EIF3B: variants seen among roughly 807,000 people sequenced by gnomAD.
EIF3B encodes eukaryotic translation initiation factor 3 subunit B, also known as eukaryotic translation initiation factor 3 subunit 9.
In EIF3B, 10 loss-of-function variants were observed where a neutral mutation model predicts 104.6. The ratio of observed to expected loss-of-function variants is 0.10; its 90% CI spans 0.06 to 0.16. EIF3B has a LOEUF of 0.16. Among genes scored for constraint, EIF3B ranks in the 10% least tolerant of loss-of-function variants. EIF3B has a pLI of 1.00. For missense variants in EIF3B, 1,014 were observed against 1,087.9 expected (o/e 0.93, Z 0.96); for synonymous variants, 542 against 417.2 (o/e 1.30, Z -3.65).
intron 11 of EIF3B, chr7:2,372,051 A>T (rs994357819): frequency 1.1e-5 from 6 of 542,388 alleles, no homozygotes; most frequent in South Asian, 2.2e-5. Flanking sequence ...AAAACAAATA[A>T]AAAAAATTAG....
At chr7:2,362,891 C>A in intron 3 of EIF3B, 127 bp downstream of exon 3, 1 of 1,487,336 alleles carries the variant, frequency 6.7e-7, no homozygotes, top group Non-Finnish European at 9.2e-7. Context: ...GTCAGGCTGC[C>A]GCAGAGCCAT....
Position 2,374,535 on chromosome 7 carries a change from C to A in EIF3B, c.1818C>A (p.Phe606Leu). The change falls in exon 13 of 19, where the codon TTC becomes TTA. Residue 606 changes from phenylalanine to leucine, a missense_variant. Physicochemically the swap from Phe to Leu is conservative, Grantham distance 22. Coordinates refer to ENST00000360876, the MANE Select transcript of EIF3B (RefSeq NM_001037283.2). ...NNGKIELIKMFDKQQANTIFW... is the reference protein window; with the variant it reads ...NNGKIELIKMLDKQQANTIFW... ...CGCGCTCTTTCCTTTCAGAGATGTT[C>A]GACAAGCAGCAGGCGAACACCATCT... 6.2e-7 allele frequency: 1 copy of A among 1,613,930 alleles called. No individual in the cohort carries two copies. The highest frequency in any genetic ancestry group is 8.5e-7 in the Non-Finnish European group (1 of 1,179,940).
At chr7:2,379,041 G>A (rs1195242536) in intron 16 of EIF3B, 93 bp from the exon 17 acceptor site, 5 of 1,078,922 alleles carry the variant, frequency 4.6e-6, no homozygotes, top group Non-Finnish European at 6.9e-6. Context: ...TCTGTATGCT[G>A]TCCTTCTGGC....
intron 7 of EIF3B, 22 bp from the exon 8 acceptor site, chr7:2,366,503 C>G (rs374204646): frequency 1.2e-6 from 2 of 1,614,070 alleles, no homozygotes; most frequent in Non-Finnish European, 1.7e-6. Flanking sequence ...TGGGAATACC[C>G]TGGCACTTTT....
rs751544118 is a variant in EIF3B at position 2,354,895 on chromosome 7, G to A, written c.-27G>A. The A allele has an allele frequency of 1.4e-5, 16 of 1,174,428 alleles. No homozygotes were observed. The highest frequency in any genetic ancestry group is 3.2e-5 in the South Asian group (1 of 31,188). The allele number at this position is 1,174,428 out of a possible 1,614,324, so 72.8% of individuals were successfully genotyped here. A position where few individuals can be genotyped will look rare whatever the true frequency, so the allele number is the denominator to read the frequency against. The stretch of plus-strand genomic sequence containing the variant: ...GAGTCGGAAGCGCGGCGGCCGCGGA[G>A]CCCTGCGAGTAGGCAGCGTTGGGCC... On this transcript the variant is annotated 5_prime_UTR_variant, in exon 1 of 19. Coordinates refer to ENST00000360876, the MANE Select transcript of EIF3B (RefSeq NM_001037283.2).
intron 1 of EIF3B, among the ~76,000 whole-genome samples, chr7:2,358,575 G>A (rs893305184): frequency 5.9e-5 from 9 of 152,074 alleles, no homozygotes; most frequent in Non-Finnish European, 1.0e-4. Flanking sequence ...CTCCCAGGCT[G>A]GAGTGCAGTG....
chr7:2,363,415 G>A (rs1029911665), intron 4 of EIF3B, among the ~76,000 whole-genome samples: 6 of 151,602 alleles, frequency 4.0e-5, no homozygotes, highest in South Asian at 2.1e-4. Context: ...TGAGGCTGCC[G>A]TGAGCTATGA....
intron 11 of EIF3B, 178 bp downstream of exon 11, chr7:2,372,027 C>T: frequency 1.7e-6 from 1 of 593,792 alleles, no homozygotes; most frequent in Non-Finnish European, 3.0e-6. Flanking sequence ...CATAGTGAGA[C>T]CCTCTCTGTA....
At chr7:2,362,597 G>A (rs769516465) in intron 2 of EIF3B, 48 bp from the exon 3 acceptor site, 2 of 1,611,304 alleles carry the variant, frequency 1.2e-6, no homozygotes, top group South Asian at 1.1e-5. Context: ...GCGCATACCT[G>A]CCTAGCCTTA....
chr7:2,378,968 G>T, intron 16 of EIF3B, 166 bp from the exon 17 acceptor site: 1 of 747,074 alleles, frequency 1.3e-6, no homozygotes, highest in South Asian at 1.8e-5. Context: ...CTGCCTTGTG[G>T]GTGGGGGGCA....
chr7:2,376,350 A>G (rs920135813), intron 14 of EIF3B: 1 of 151,808 alleles, frequency 6.6e-6, no homozygotes, highest in South Asian at 2.1e-4. Flanking sequence ...AAAAAAAAAA[A>G]AAGACTTTTT....
At chr7:2,376,674 A>T in intron 14 of EIF3B, 1 of 407,980 alleles carries the variant, frequency 2.5e-6, no homozygotes, top group Non-Finnish European at 4.4e-6. Flanking sequence ...GTTAGCTTAC[A>T]TCCAGCATGG....
At chr7:2,363,784 G>T (rs748032852) in intron 5 of EIF3B, 24 bp downstream of exon 5, 4 of 1,608,384 alleles carry the variant, frequency 2.5e-6, no homozygotes, top group Non-Finnish European at 2.5e-6. Flanking sequence ...GCTGCTGGGG[G>T]CGGGGACTCA....
chr7:2,366,588 T>G lies in EIF3B; in HGVS notation c.1353T>G (p.Thr451=), dbSNP rs1780038410. The G allele has an allele frequency of 6.2e-7, 1 of 1,614,220 alleles. No homozygotes were observed. Among genetic ancestry groups the G allele is most frequent in the South Asian group, 1.1e-5 (1 of 91,086 alleles). The change falls in exon 8 of 19, where the codon ACT becomes ACG. Residue 451 remains threonine (T), a synonymous_variant. Transcript: ENST00000360876. The part of the protein sequence containing the change: ...MTLDTLSIYE[T]PSMGLLDKKS... ...TGGATACGCTTAGCATCTATGAAAC[T>G]CCTGTAAGTGGCCTCAGTGATGGCA...
chr7:2,367,226 C>G, intron 9 of EIF3B, 181 bp downstream of exon 9: 1 of 568,272 alleles, frequency 1.8e-6, no homozygotes, highest in Non-Finnish European at 3.0e-6. Flanking sequence ...TGGTGACGGC[C>G]CACCTCCCTC....
At chr7:2,363,008 C>T (rs1364727295) in intron 3 of EIF3B, 62 bp from the exon 4 acceptor site, 9 of 1,588,044 alleles carry the variant, frequency 5.7e-6, no homozygotes, top group Non-Finnish European at 6.9e-6. Flanking sequence ...TGCTGGAGCC[C>T]CCACGAGTTG....
chr7:2,372,890 A>G, intron 12 of EIF3B, 95 bp downstream of exon 12: 1 of 1,397,476 alleles, frequency 7.2e-7, no homozygotes, highest in Non-Finnish European at 9.6e-7. Context: ...GCCTAGGACC[A>G]CTGCTGGGCA....
rs764165905 is a variant in EIF3B, at chr7:2,369,604, G to A, written c.1536G>A (p.Val512=). ...TCCGAGTGAGGAACCTGTTCAATGT[G>A]GTGGACTGCAAGCTCCATTGGCAGA... The part of the protein sequence containing the change: ...QEIRVRNLFN[V]VDCKLHWQKN... The change falls in exon 10 of 19, where the codon GTG becomes GTA. Residue 512 remains valine (V), a synonymous_variant. Transcript: ENST00000360876. The A allele has an allele frequency of 2.5e-6, 4 of 1,614,052 alleles. No homozygotes were observed. The highest frequency in any genetic ancestry group is 2.2e-5 in the South Asian group (2 of 91,074).
intron 1 of EIF3B, 102 bp downstream of exon 1, chr7:2,355,522 T>G (rs1583141855): frequency 7.3e-7 from 1 of 1,375,822 alleles, no homozygotes; most frequent in Non-Finnish European, 9.4e-7. Flanking sequence ...CGTGCAGAAG[T>G]TCCAGCGAGG....
Sources: allele counts gnomAD v4.1 joint callset (sites outside exome capture counted in the v4.1 genomes callset), GRCh38; gene constraint gnomAD v4.1.1; transcripts MANE v1.5; gene names NCBI Gene and HGNC (gene_info 2026-07-23, HGNC 2026-07-21).